The following GRK4 variants were observed in gnomAD, a reference collection of about 807,000 sequenced individuals.
GRK4 encodes the protein G protein-coupled receptor kinase 2-like.
GRK4 carries 73 observed loss-of-function variants against 77.9 expected under a neutral mutation model. The ratio of observed to expected loss-of-function variants is 0.94; its 90% CI spans 0.78 to 1.14. GRK4 has a LOEUF of 1.14. GRK4 is among the 50% of genes most tolerant of loss of function. The pLI, the probability that GRK4 is intolerant of heterozygous loss-of-function variation, is 0.00. For synonymous variants in GRK4, 257 were observed against 254.4 expected (o/e 1.01, Z -0.10); for missense variants, 729 against 700.2 (o/e 1.04, Z -0.46).
intron 9 of GRK4, among the ~76,000 whole-genome samples, chr4:3,021,987 C>T (rs1476017399): frequency 6.6e-6 from 1 of 152,142 alleles, no homozygotes; most frequent in Non-Finnish European, 1.5e-5. Flanking sequence ...AGTGACATTC[C>T]CACCTCAGCC....
intron 1 of GRK4, among the ~76,000 whole-genome samples, chr4:2,974,791 T>G (rs1432081007): frequency 6.6e-6 from 1 of 152,228 alleles, no homozygotes; most frequent in Non-Finnish European, 1.5e-5. Context: ...GGTACACCTG[T>G]TTTATACATT....
intron 7 of GRK4, among the ~76,000 whole-genome samples, chr4:3,013,043 G>T (rs1733355543): frequency 6.6e-6 from 1 of 151,456 alleles, no homozygotes; most frequent in Non-Finnish European, 1.5e-5. Context: ...TACTTGGGAG[G>T]CTGAGGCAGG....
At chr4:3,033,934 G>T (rs1471544888) in intron 12 of GRK4, among the ~76,000 whole-genome samples, 5 of 152,226 alleles carry the variant, frequency 3.3e-5, no homozygotes, top group Non-Finnish European at 5.9e-5. Flanking sequence ...AACGCATTGA[G>T]CAACTGTTAC....
intron 1 of GRK4, among the ~76,000 whole-genome samples, chr4:2,968,253 A>G (rs1718388730): frequency 6.6e-6 from 1 of 152,198 alleles, no homozygotes; most frequent in Non-Finnish European, 1.5e-5. Context: ...AAACAAATGC[A>G]GAGAGGAATA....
At chr4:3,039,378 T>C (rs1357590991) in intron 15 of GRK4, among the ~76,000 whole-genome samples, 1 of 151,924 alleles carries the variant, frequency 6.6e-6, no homozygotes, top group Non-Finnish European at 1.5e-5. Context: ...GCTTGGCCAC[T>C]AACATTCTAA....
rs756004767 is a variant in GRK4, at chr4:3,037,359, G to C, written c.1408-15G>C. Reference sequence around the variant, plus strand: ...TGTAGTCATCTCAGAGGCTGCCCCTGTTCTTGCTACACAGCCTCATGCCGT... The same window carrying C: ...TGTAGTCATCTCAGAGGCTGCCCCTCTTCTTGCTACACAGCCTCATGCCGT... On this transcript the variant is annotated splice_polypyrimidine_tract_variant and intron_variant, in intron 13 of 15. Coordinates refer to ENST00000398052, the MANE Select transcript of GRK4 (RefSeq NM_182982.3). The C allele has an allele frequency of 3.2e-6, 5 of 1,572,782 alleles. No individual in the cohort carries two copies. In the South Asian group the frequency reaches 5.7e-5, roughly 18 times the overall value.
intron 2 of GRK4, chr4:2,985,775 G>A (rs2109582824): frequency 3.5e-6 from 1 of 283,880 alleles, no homozygotes; most frequent in South Asian, 2.8e-5. Flanking sequence ...GAGGTGGGCG[G>A]ATCACGAGAT....
At chr4:3,025,981 G>A (rs550446377) in intron 10 of GRK4, among the ~76,000 whole-genome samples, 2 of 152,328 alleles carry the variant, frequency 1.3e-5, no homozygotes, top group Non-Finnish European at 2.9e-5. Flanking sequence ...GACGGCTTCC[G>A]TCCGTCTGCT....
intron 10 of GRK4, among the ~76,000 whole-genome samples, chr4:3,027,371 C>T (rs1737871272): frequency 6.6e-6 from 1 of 152,176 alleles, no homozygotes; most frequent in Non-Finnish European, 1.5e-5. Flanking sequence ...CATAGGAATT[C>T]AACAAATATT....
intron 4 of GRK4, among the ~76,000 whole-genome samples, chr4:2,998,429 C>A (rs1354809024): frequency 6.6e-6 from 1 of 151,890 alleles, no homozygotes; most frequent in Non-Finnish European, 1.5e-5. Flanking sequence ...ATGACATAAT[C>A]TTGGATATAG....
intron 4 of GRK4, among the ~76,000 whole-genome samples, chr4:2,996,718 C>CTT (rs879462515): frequency 2.1e-5 from 3 of 144,774 alleles, no homozygotes; most frequent in African/African-American, 7.6e-5. Flanking sequence ...AGCTGGAAAG[C>CTT]TTTTTTTTTT....
chr4:2,979,729 A>C (rs1295499631), intron 1 of GRK4, among the ~76,000 whole-genome samples: 1 of 152,150 alleles, frequency 6.6e-6, no homozygotes, highest in African/African-American at 2.4e-5. Context: ...CCCCCCAAAA[A>C]AAATCCATGT....
chr4:3,037,044 GGT>G (rs1271637092), intron 13 of GRK4, among the ~76,000 whole-genome samples: 53 of 144,190 alleles, frequency 3.7e-4, no homozygotes, highest in South Asian at 6.8e-4. Flanking sequence ...CCTCAGGAGG[GGT>G]GTGTGTGTGT....
chr4:2,964,586 T>C (rs1716898899), intron 1 of GRK4, among the ~76,000 whole-genome samples: 1 of 152,248 alleles, frequency 6.6e-6, no homozygotes, highest in Admixed American at 6.5e-5. Flanking sequence ...AGGGCAATGT[T>C]ATTTTTAACA....
chr4:2,980,002 C>G (rs1350406758), intron 1 of GRK4, among the ~76,000 whole-genome samples: 1 of 152,234 alleles, frequency 6.6e-6, no homozygotes, highest in Admixed American at 6.5e-5. Flanking sequence ...ATTTTAGACA[C>G]TCCTCCTAAT....
chr4:2,982,171 CAG>C (rs1217731647), intron 1 of GRK4, among the ~76,000 whole-genome samples: 1 of 152,150 alleles, frequency 6.6e-6, no homozygotes, highest in Non-Finnish European at 1.5e-5. Context: ...CAGCTGCTCC[CAG>C]TAGTGTGGGG....
Position 2,975,645 on chromosome 4 carries a change from A to T in GRK4, c.53-8868A>T, listed in dbSNP as rs372420823. Among the ~76,000 whole-genome samples, 7 of 152,136 alleles carry T rather than the reference A, an allele frequency of 4.6e-5. No individual in the cohort carries two copies. The East Asian group carries it at 7.7e-4, about 17-fold the overall frequency. On this transcript the variant is annotated intron_variant, in intron 1 of 15. Transcript: ENST00000398052. ...GCCGGCTAACATGGACAGACAGATG[A>T]AACCTCCACAGGTTTCTGGAGCAGT...
intron 11 of GRK4, among the ~76,000 whole-genome samples, chr4:3,028,887 T>C (rs1229294069): frequency 1.3e-5 from 2 of 152,030 alleles, no homozygotes; most frequent in Non-Finnish European, 2.9e-5. Flanking sequence ...TTCTCCTGCC[T>C]CAGCTTCCTG....
chr4:2,980,614 A>C (rs1722608413), intron 1 of GRK4, among the ~76,000 whole-genome samples: 1 of 151,966 alleles, frequency 6.6e-6, no homozygotes. Flanking sequence ...GGAGCAGAAC[A>C]GCTCACCTCT....
Sources: gnomAD v4.1 joint callset for allele counts (sites outside exome capture counted in the v4.1 genomes callset) on GRCh38, gnomAD v4.1.1 for gene constraint, MANE v1.5 for transcripts, NCBI Gene and HGNC (gene_info 2026-07-23, HGNC 2026-07-21) for gene names.